Variants in SLC23A2 observed in about 807,000 individuals in gnomAD.
SLC23A2 encodes the protein solute carrier family 23 member 2.
SLC23A2 carries 36 observed loss-of-function variants against 73.3 expected under a neutral mutation model. That is an observed-to-expected ratio of 0.49 (90% confidence interval 0.38 to 0.65). The LOEUF (loss-of-function observed/expected upper bound fraction) is 0.65, where lower values mean the gene tolerates loss of function less well. Ranked by LOEUF, SLC23A2 falls within the 30% of genes least tolerant of loss-of-function variation. SLC23A2 has a pLI of 0.00. For synonymous variants in SLC23A2, 343 were observed against 327.3 expected, an observed-to-expected ratio of 1.05 and a Z score of -0.52; for missense variants, 507 against 841.6, an observed-to-expected ratio of 0.60 and a Z score of 4.92.
intron 1 of SLC23A2, among the ~76,000 whole-genome samples, chr20:4,989,647 G>A (rs908936650): frequency 4.7e-5 from 7 of 147,644 alleles, no homozygotes. Flanking sequence ...CTATACTTCA[G>A]CCTGAGTGAC....
At chr20:4,999,556 AT>A (rs11475838) in intron 1 of SLC23A2, among the ~76,000 whole-genome samples, 59,363 of 143,556 alleles carry the variant, frequency 0.41, 12,416 homozygotes, top group African/African-American at 0.58. Context: ...ATACTCAGCT[AT>A]TTTTTTTTTT....
chr20:4,971,381 G>C (rs985907779), intron 1 of SLC23A2, among the ~76,000 whole-genome samples: 2 of 151,904 alleles, frequency 1.3e-5, no homozygotes, highest in Non-Finnish European at 2.9e-5. Flanking sequence ...AGCTACTCAG[G>C]AGACTGAGAG....
chr20:4,967,588 C>A (rs543916792), intron 2 of SLC23A2, among the ~76,000 whole-genome samples: 1 of 152,170 alleles, frequency 6.6e-6, no homozygotes, highest in Non-Finnish European at 1.5e-5. Flanking sequence ...ATAAGCAACA[C>A]AACATTTTTA....
rs2122944999 is a variant in SLC23A2 at position 4,932,660 on chromosome 20, C to T, written c.-98G>A. 2 of 716,388 alleles carry T rather than the reference C, an allele frequency of 2.8e-6. No individual in the cohort carries two copies. Among genetic ancestry groups the T allele is most frequent in the East Asian group, 5.1e-5 (2 of 39,394 alleles). The allele number at this position is 716,388 out of a possible 1,614,324, so 44.4% of individuals were successfully genotyped here. A position where few individuals can be genotyped will look rare whatever the true frequency, so the allele number is the denominator to read the frequency against. ...CCAGGATCAGCCGGCTCTTCTAGTG[C>T]CTGGAGCCCCCGATTCTCAAGCAGA... On this transcript the variant is annotated 5_prime_UTR_variant, in exon 3 of 17. Coordinates refer to ENST00000338244, the MANE Select transcript of SLC23A2 (RefSeq NM_005116.6).
chr20:5,006,087 AT>A (rs1175642077), upstream of SLC23A2, among the ~76,000 whole-genome samples: 1 of 151,940 alleles, frequency 6.6e-6, no homozygotes, highest in Non-Finnish European at 1.5e-5. Flanking sequence ...AGCATAATAT[AT>A]TTTTTTGTTT....
chr20:4,959,790 T>C (rs2087351175), intron 2 of SLC23A2, among the ~76,000 whole-genome samples: 1 of 152,160 alleles, frequency 6.6e-6, no homozygotes, highest in African/African-American at 2.4e-5. Context: ...ATATCAGCTA[T>C]TTTTATTTTT....
chr20:4,868,159 A>G lies in SLC23A2; in HGVS notation c.1251-284T>C, dbSNP rs1930283738. On this transcript the variant is annotated intron_variant, in intron 12 of 16. Transcript: ENST00000338244. The surrounding 1 kb of genome is among the most constrained non-coding windows in gnomAD (Gnocchi z 4.4). Reference sequence around the variant, plus strand: ...CAGTGACGCGATCTTGGCTCACTGCAACCTCCACCTCCTGGGTTCAAGAGA... The same window carrying G: ...CAGTGACGCGATCTTGGCTCACTGCGACCTCCACCTCCTGGGTTCAAGAGA... Among the ~76,000 whole-genome samples, 1 of 146,250 alleles carries G rather than the reference A, an allele frequency of 6.8e-6. No individual in the cohort carries two copies. Among genetic ancestry groups the G allele is most frequent in the African/African-American group, 2.6e-5 (1 of 38,804 alleles).
chr20:5,009,068 T>C (rs1390444446), intron 1 of SLC23A2, among the ~76,000 whole-genome samples: 1 of 152,128 alleles, frequency 6.6e-6, no homozygotes, highest in Non-Finnish European at 1.5e-5. Context: ...CCCTCAAAAT[T>C]GCACAATCCA....
At chr20:4,875,589 T>G (rs570572625) in intron 9 of SLC23A2, among the ~76,000 whole-genome samples, 2 of 152,172 alleles carry the variant, frequency 1.3e-5, no homozygotes, top group African/African-American at 4.8e-5. Flanking sequence ...TGAACTGCAC[T>G]AAGTGCTATG....
Position 4,856,241 on chromosome 20 carries a change from A to G in SLC23A2, c.*731T>C, listed in dbSNP as rs1225105416. 2 of 152,276 alleles carry G rather than the reference A, an allele frequency of 1.3e-5. No individual in the cohort carries two copies. Among genetic ancestry groups the G allele is most frequent in the Non-Finnish European group, 2.9e-5 (2 of 68,068 alleles). The allele number at this position is 152,276 out of a possible 1,614,324, so 9.4% of individuals were successfully genotyped here. A position where few individuals can be genotyped will look rare whatever the true frequency, so the allele number is the denominator to read the frequency against. ...TGTCTCGGCCACTAGTGAAATGAAA[A>G]GAGGCCAGTGTGCACGTGCTGGCCC... On this transcript the variant is annotated 3_prime_UTR_variant, in exon 17 of 17. Transcript: ENST00000338244. This position sits in a 1 kb window ranked among gnomAD's most constrained non-coding sequence, Gnocchi z 4.6.
chr20:4,990,720 G>A (rs1034405076), intron 1 of SLC23A2, among the ~76,000 whole-genome samples: 15 of 150,754 alleles, frequency 9.9e-5, no homozygotes, highest in East Asian at 2.1e-4. Context: ...AGTGGCTCAC[G>A]CCTGTAATTC....
intron 6 of SLC23A2, among the ~76,000 whole-genome samples, chr20:4,898,317 C>G (rs1476666930): frequency 6.6e-6 from 1 of 152,228 alleles, no homozygotes; most frequent in South Asian, 2.1e-4. Context: ...GCAGCCTACC[C>G]TCCCAGGGTG....
chr20:4,925,321 T>C (rs1932632818), intron 3 of SLC23A2, among the ~76,000 whole-genome samples: 4 of 152,222 alleles, frequency 2.6e-5, no homozygotes, highest in Admixed American at 2.6e-4. Flanking sequence ...AGGTCCTGTA[T>C]GATCACTGTC....
At chr20:4,968,840 T>C (rs1015837867) in intron 2 of SLC23A2, among the ~76,000 whole-genome samples, 2 of 150,840 alleles carry the variant, frequency 1.3e-5, no homozygotes, top group East Asian at 4.0e-4. Flanking sequence ...TGCCTCAGCC[T>C]CCAGAGTAGC....
At chr20:4,960,777 T>C (rs1409516483) in intron 2 of SLC23A2, among the ~76,000 whole-genome samples, 1 of 152,220 alleles carries the variant, frequency 6.6e-6, no homozygotes, top group Non-Finnish European at 1.5e-5. Context: ...AAACCAGGTA[T>C]CTGAAATGTT....
chr20:4,996,144 T>C (rs2088016294), intron 1 of SLC23A2, among the ~76,000 whole-genome samples: 1 of 152,182 alleles, frequency 6.6e-6, no homozygotes, highest in South Asian at 2.1e-4. Flanking sequence ...GCACCATCAC[T>C]GTTTCCTTGG....
chr20:4,978,871 T>C (rs949238176), intron 1 of SLC23A2, among the ~76,000 whole-genome samples: 3 of 152,166 alleles, frequency 2.0e-5, no homozygotes, highest in African/African-American at 7.2e-5. Context: ...TACAAACGGA[T>C]GCCGATTTTT....
intron 1 of SLC23A2, among the ~76,000 whole-genome samples, chr20:4,994,137 T>C (rs564627387): frequency 6.6e-6 from 1 of 152,226 alleles, no homozygotes; most frequent in Admixed American, 6.5e-5. Flanking sequence ...TGACCACATA[T>C]ACCTTACTGT....
chr20:4,861,686 TAG>T (rs1318309570), intron 15 of SLC23A2, among the ~76,000 whole-genome samples: 1 of 152,206 alleles, frequency 6.6e-6, no homozygotes, highest in Non-Finnish European at 1.5e-5. Flanking sequence ...CAAAAGCATT[TAG>T]AGAGAGGCAT....
Sources: gnomAD v4.1 joint callset for allele counts (sites outside exome capture counted in the v4.1 genomes callset) on GRCh38, gnomAD v4.1.1 for gene constraint, Gnocchi (gnomAD v3.1) non-coding constraint, MANE v1.5 for transcripts, NCBI Gene and HGNC (gene_info 2026-07-23, HGNC 2026-07-21) for gene names.